OTUD7A: variants seen among roughly 807,000 people sequenced by gnomAD.
OTUD7A encodes OTU domain-containing protein 7A.
OTUD7A carries 12 observed loss-of-function variants against 65.7 expected under a neutral mutation model. The ratio of observed to expected loss-of-function variants is 0.18; its 90% CI spans 0.12 to 0.30. The LOEUF is 0.30. OTUD7A is among the 10% of genes least tolerant of loss of function. The pLI is 1.00. For synonymous variants in OTUD7A, 641 were observed against 586.3 expected, an observed-to-expected ratio of 1.09 and a Z score of -1.35; for missense variants, 1,148 against 1,304.8, an observed-to-expected ratio of 0.88 and a Z score of 1.85.
intron 1 of OTUD7A, among the ~76,000 whole-genome samples, chr15:31,788,316 T>C (rs1164413923): frequency 6.6e-6 from 1 of 152,164 alleles, no homozygotes; most frequent in East Asian, 1.9e-4. Flanking sequence ...CAAGTTAGCA[T>C]AAGCAAACAA....
rs142947307 is a variant in OTUD7A, at chr15:31,733,789, C to T, written c.-99-76712G>A. On this transcript the variant is annotated intron_variant, in intron 1 of 12. Coordinates refer to ENST00000307050, the MANE Select transcript of OTUD7A (RefSeq NM_001382637.1). ...AGTTTGTCAGAAAAAGAATTCAAGA[C>T]TCAAGTCTTAGCCACATAATGGGGA... Among the ~76,000 whole-genome samples the T allele has an allele frequency of 4.0e-4, 61 of 152,224 alleles. 1 individual carries two copies. The highest frequency in any genetic ancestry group is 3.4e-3 in the Middle Eastern group (1 of 294).
chr15:31,829,577 G>A (rs575527017), intron 1 of OTUD7A, among the ~76,000 whole-genome samples: 19 of 152,308 alleles, frequency 1.2e-4, no homozygotes, highest in African/African-American at 2.4e-4. Context: ...CCTGTAATGC[G>A]AGGCAAGTAA....
intron 10 of OTUD7A, among the ~76,000 whole-genome samples, chr15:31,490,686 C>T (rs2041307155): frequency 6.6e-6 from 1 of 152,172 alleles, no homozygotes; most frequent in Non-Finnish European, 1.5e-5. Context: ...TAATATGGAA[C>T]CCTGGGGGCT....
intron 10 of OTUD7A, among the ~76,000 whole-genome samples, chr15:31,488,590 A>G (rs753608398): frequency 6.6e-6 from 1 of 152,180 alleles, no homozygotes; most frequent in Non-Finnish European, 1.5e-5. Flanking sequence ...GGAGTCACAC[A>G]CAGCAGAGAA....
intron 1 of OTUD7A, among the ~76,000 whole-genome samples, chr15:31,778,219 G>A (rs1227554778): frequency 1.3e-5 from 2 of 152,172 alleles, no homozygotes; most frequent in Non-Finnish European, 2.9e-5. Flanking sequence ...TTGTCTACAA[G>A]GCTGTTCTGC....
chr15:31,807,297 C>A (rs1186356590), intron 1 of OTUD7A, among the ~76,000 whole-genome samples: 3 of 152,154 alleles, frequency 2.0e-5, no homozygotes, highest in Non-Finnish European at 4.4e-5. Flanking sequence ...TCTTCACTGC[C>A]ATCTCCCAAG....
At chr15:31,587,303 G>A (rs1465129202) in intron 3 of OTUD7A, among the ~76,000 whole-genome samples, 2 of 152,056 alleles carry the variant, frequency 1.3e-5, no homozygotes, top group Non-Finnish European at 2.9e-5. Flanking sequence ...AGTGTGCCCT[G>A]TCACCTGTTC....
In OTUD7A at chr15:31,817,283, C is replaced by A. The variant is rs574652096; in HGVS notation, c.-100+53224G>T. Among the ~76,000 whole-genome samples the A allele has an allele frequency of 1.1e-4, 16 of 150,162 alleles. No homozygotes were observed. The East Asian group carries it at 2.6e-3, about 24-fold the overall frequency. On this transcript the variant is annotated intron_variant, in intron 1 of 12. Transcript: ENST00000307050. ...ACCACCCTAGATCATTTGCCCCCCC[C>A]CATCACTCATGGCTTATCAGTGAGA...
intron 3 of OTUD7A, among the ~76,000 whole-genome samples, chr15:31,600,741 A>T (rs1890048570): frequency 6.6e-6 from 1 of 152,170 alleles, no homozygotes. Flanking sequence ...ACACACACAG[A>T]CTCAAAATAA....
intron 1 of OTUD7A, among the ~76,000 whole-genome samples, chr15:31,840,240 T>C (rs1897150392): frequency 6.6e-6 from 1 of 151,804 alleles, no homozygotes; most frequent in African/African-American, 2.4e-5. Context: ...GGCAACATGG[T>C]GAAACCCCAT....
rs370693888 is a variant in OTUD7A at position 31,486,892 on chromosome 15, C to T, written c.1371+302G>A. On this transcript the variant is annotated intron_variant, in intron 12 of 12. Transcript: ENST00000307050. ...ATTCCTTCTGCAGAAAATAGGGGGA[C>T]AAAAAATCCCTTTACAAGAGCGCAT... Among the ~76,000 whole-genome samples, 11 of 152,262 alleles carry T rather than the reference C, an allele frequency of 7.2e-5. No individual in the cohort carries two copies. In the East Asian group the frequency reaches 2.1e-3, roughly 29 times the overall value.
intron 1 of OTUD7A, among the ~76,000 whole-genome samples, chr15:31,807,010 C>T (rs1170323154): frequency 1.3e-5 from 2 of 152,196 alleles, no homozygotes; most frequent in African/African-American, 4.8e-5. Flanking sequence ...CCACATGTGC[C>T]ACTCTACCAC....
At chr15:31,549,060 C>G (rs566312780) in intron 5 of OTUD7A, among the ~76,000 whole-genome samples, 3 of 150,524 alleles carry the variant, frequency 2.0e-5, no homozygotes, top group African/African-American at 7.3e-5. Flanking sequence ...CGCTTGAACC[C>G]GGGAGACACA....
chr15:31,664,884 A>G (rs1892276854), intron 1 of OTUD7A, among the ~76,000 whole-genome samples: 1 of 152,198 alleles, frequency 6.6e-6, no homozygotes, highest in African/African-American at 2.4e-5. Flanking sequence ...GTGGCCAGCC[A>G]ATTATCCCAG....
chr15:31,563,192 A>G (rs1270313821), intron 4 of OTUD7A, among the ~76,000 whole-genome samples: 1 of 152,192 alleles, frequency 6.6e-6, no homozygotes, highest in East Asian at 1.9e-4. Context: ...TACCAGGAGG[A>G]TAAGATAATG....
At chr15:31,831,861 G>A (rs562265238) in intron 1 of OTUD7A, among the ~76,000 whole-genome samples, 7 of 152,354 alleles carry the variant, frequency 4.6e-5, no homozygotes, top group East Asian at 3.9e-4. Context: ...GGGGCGTTCC[G>A]CCGAGCAATG....
intron 3 of OTUD7A, among the ~76,000 whole-genome samples, chr15:31,582,629 T>C (rs887818152): frequency 6.6e-6 from 1 of 151,262 alleles, no homozygotes. Context: ...TATATAACCA[T>C]CAGATCTCAT....
intron 3 of OTUD7A, among the ~76,000 whole-genome samples, chr15:31,578,003 T>C (rs1889257924): frequency 6.6e-6 from 1 of 152,132 alleles, no homozygotes; most frequent in South Asian, 2.1e-4. Context: ...CAATGACTAG[T>C]CTCTGATCAG....
Position 31,724,781 on chromosome 15 carries a change from T to C in OTUD7A, c.-99-67704A>G, listed in dbSNP as rs140696240. ...GAATGTTCCCTGGATTATGGTTGTT[T>C]GAAGGCTGACTCACACACAGTGGAA... On this transcript the variant is annotated intron_variant, in intron 1 of 12. Coordinates refer to ENST00000307050, the MANE Select transcript of OTUD7A (RefSeq NM_001382637.1). Among the ~76,000 whole-genome samples, 1,752 of 149,266 alleles carry C rather than the reference T, an allele frequency of 0.012. 47 individuals are homozygous for C. In the East Asian group the frequency reaches 0.13, roughly 11 times the overall value.
Sources: allele counts gnomAD v4.1 joint callset (sites outside exome capture counted in the v4.1 genomes callset), GRCh38; gene constraint gnomAD v4.1.1; transcripts MANE v1.5; gene names NCBI Gene and HGNC (gene_info 2026-07-23, HGNC 2026-07-21).